PAX5: variants seen among roughly 807,000 people sequenced by gnomAD.
The protein encoded by PAX5 is paired box protein Pax-5.
PAX5 carries 9 observed loss-of-function variants against 43.7 expected under a neutral mutation model. That is an observed-to-expected ratio of 0.21 (90% CI 0.12 to 0.36). The LOEUF (loss-of-function observed/expected upper bound fraction) is 0.36. PAX5 is among the 10% of genes least tolerant of loss of function. The pLI, the probability that PAX5 is intolerant of heterozygous loss-of-function variation, is 1.00. For synonymous variants in PAX5, 228 were observed against 214.3 expected (o/e 1.06, Z -0.56); for missense variants, 383 against 532.7 (o/e 0.72, Z 2.77).
intron 8 of PAX5, among the ~76,000 whole-genome samples, chr9:36,862,333 G>A (rs1439825033): frequency 2.0e-5 from 3 of 152,156 alleles, no homozygotes; most frequent in East Asian, 1.9e-4. Flanking sequence ...CCACAAGGGG[G>A]AGCCTGGTCA....
At chr9:37,033,940 C>A (rs1047265533) in intron 1 of PAX5, 46 bp downstream of exon 1, 8 of 1,599,330 alleles carry the variant, frequency 5.0e-6, no homozygotes, top group Non-Finnish European at 6.8e-6. Flanking sequence ...CAAGGCCTGG[C>A]CGTGTCCCGG....
intron 5 of PAX5, among the ~76,000 whole-genome samples, chr9:36,998,176 C>A (rs1425181696): frequency 6.6e-6 from 1 of 152,196 alleles, no homozygotes; most frequent in Non-Finnish European, 1.5e-5. Context: ...GCTCTTCCTC[C>A]AGAGGCCACA....
intron 8 of PAX5, among the ~76,000 whole-genome samples, chr9:36,857,041 A>G (rs1487123590): frequency 6.6e-6 from 1 of 152,196 alleles, no homozygotes; most frequent in Non-Finnish European, 1.5e-5. Context: ...ATTCCCAGGA[A>G]AATCCAACTC....
chr9:36,927,197 C>A (rs891797004), intron 6 of PAX5, among the ~76,000 whole-genome samples: 11 of 152,146 alleles, frequency 7.2e-5, no homozygotes, highest in African/African-American at 2.7e-4. Context: ...CAGGCAGCAT[C>A]CCAGCCAAGA....
At chr9:36,881,749 T>C (rs972598853) in intron 8 of PAX5, among the ~76,000 whole-genome samples, 5 of 152,056 alleles carry the variant, frequency 3.3e-5, no homozygotes, top group Non-Finnish European at 5.9e-5. Context: ...GTTCAGACTC[T>C]GTACGTGGCC....
chr9:36,848,818 C>T (rs1042509892), intron 8 of PAX5, among the ~76,000 whole-genome samples: 5 of 152,200 alleles, frequency 3.3e-5, no homozygotes, highest in Non-Finnish European at 7.4e-5. Context: ...CCACAAAGTG[C>T]AAGTCTCAGG....
chr9:36,971,441 C>T (rs1358082899), intron 5 of PAX5, among the ~76,000 whole-genome samples: 2 of 152,232 alleles, frequency 1.3e-5, no homozygotes, highest in Admixed American at 6.5e-5. Flanking sequence ...TTCTCATCTG[C>T]ACCATGAAGA....
At position 36,908,159 on chromosome 9, in the gene PAX5, G is replaced by A. The variant is rs139952912; in HGVS notation, c.910+15196C>T. Among the ~76,000 whole-genome samples the A allele has an allele frequency of 8.4e-3, 1,267 of 150,642 alleles. 11 individuals are homozygous for A. Among genetic ancestry groups the A allele is most frequent in the Non-Finnish European group, 0.014 (950 of 67,738 alleles). ...GGGTACAGTGAGCCATGATCACACC[G>A]CTGCACTCCAGCCTGGGCCACAGGG... On this transcript the variant is annotated intron_variant, in intron 7 of 9. Transcript: ENST00000358127.
At chr9:37,028,084 A>G (rs1303926127) in intron 1 of PAX5, among the ~76,000 whole-genome samples, 1 of 152,178 alleles carries the variant, frequency 6.6e-6, no homozygotes, top group Non-Finnish European at 1.5e-5. Flanking sequence ...CAGTCGATTG[A>G]AGGGTGAGAA....
chr9:37,027,110 C>G (rs1230142006), intron 1 of PAX5, among the ~76,000 whole-genome samples: 2 of 152,218 alleles, frequency 1.3e-5, no homozygotes, highest in Non-Finnish European at 2.9e-5. Flanking sequence ...TCTGCTTCTC[C>G]GAGTCTCTGG....
At chr9:37,002,523 G>A (rs1351822790) in intron 5 of PAX5, 125 bp downstream of exon 5, 8 of 1,001,254 alleles carry the variant, frequency 8.0e-6, no homozygotes, top group South Asian at 1.6e-5. Flanking sequence ...CGTGCGGGCC[G>A]GGGGACTCGC....
At chr9:36,987,663 C>G (rs1325360803) in intron 5 of PAX5, among the ~76,000 whole-genome samples, 1 of 152,148 alleles carries the variant, frequency 6.6e-6, no homozygotes, top group African/African-American at 2.4e-5. Flanking sequence ...CTTTGGGGAG[C>G]TAGGAAGGAG....
chr9:36,986,014 T>C (rs1309573449), intron 5 of PAX5, among the ~76,000 whole-genome samples: 19 of 151,740 alleles, frequency 1.3e-4, no homozygotes, highest in Non-Finnish European at 4.4e-5. Context: ...GCGTCCGCCA[T>C]CCGAACCGGC....
chr9:36,847,108 C>T (rs1283771813), intron 8 of PAX5, among the ~76,000 whole-genome samples, 179 bp from the exon 9 acceptor site: 2 of 152,236 alleles, frequency 1.3e-5, no homozygotes, highest in Non-Finnish European at 2.9e-5. Flanking sequence ...GCAGCTGTCA[C>T]TGGCATTGTC....
intron 5 of PAX5, among the ~76,000 whole-genome samples, chr9:36,989,877 T>C (rs1382522198): frequency 6.6e-6 from 1 of 152,222 alleles, no homozygotes; most frequent in Non-Finnish European, 1.5e-5. Flanking sequence ...TGCTGGGCAC[T>C]AAGGTGACAT....
chr9:37,018,261 C>G (rs1210413335), intron 2 of PAX5, among the ~76,000 whole-genome samples: 1 of 152,084 alleles, frequency 6.6e-6, no homozygotes, highest in Non-Finnish European at 1.5e-5. Flanking sequence ...ACATACTACC[C>G]AATACCAATG....
intron 8 of PAX5, among the ~76,000 whole-genome samples, chr9:36,862,603 A>G (rs187962775): frequency 6.6e-6 from 1 of 152,266 alleles, no homozygotes; most frequent in Non-Finnish European, 1.5e-5. Flanking sequence ...TGGAAAGGAA[A>G]AGCAACATAG....
intron 7 of PAX5, among the ~76,000 whole-genome samples, chr9:36,902,003 T>C (rs1828436547): frequency 1.3e-5 from 2 of 152,190 alleles, no homozygotes; most frequent in Non-Finnish European, 2.9e-5. Flanking sequence ...CTGCTTCTTT[T>C]AGAGTAAGGG....
At chr9:36,969,921 G>C (rs1313725447) in intron 5 of PAX5, among the ~76,000 whole-genome samples, 2 of 152,170 alleles carry the variant, frequency 1.3e-5, no homozygotes, top group Non-Finnish European at 2.9e-5. Flanking sequence ...GAAGGATTTG[G>C]ACACTCCAAA....
Sources: gnomAD v4.1 joint callset for allele counts (sites outside exome capture counted in the v4.1 genomes callset) on GRCh38, gnomAD v4.1.1 for gene constraint, MANE v1.5 for transcripts, NCBI Gene and HGNC (gene_info 2026-07-23, HGNC 2026-07-21) for gene names.